Variants in MYO19 observed in about 807,000 individuals in gnomAD.
The protein encoded by MYO19 is unconventional myosin-XIX.
In MYO19, 132 loss-of-function variants were observed where a neutral mutation model predicts 129.2. The observed-to-expected ratio is 1.02, with a 90% CI of 0.89 to 1.18. The LOEUF is 1.18. MYO19 is among the 50% of genes most tolerant of loss of function. The pLI, the probability that MYO19 is intolerant of heterozygous loss-of-function variation, is 0.00. For synonymous variants in MYO19, 531 were observed against 477.2 expected (o/e 1.11, Z -1.47); for missense variants, 1,210 against 1,216.7 (o/e 0.99, Z 0.08).
chr17:36,537,170 C>T (rs760295760), upstream of MYO19: 34 of 1,613,914 alleles, frequency 2.1e-5, no homozygotes, highest in African/African-American at 4.0e-5. Flanking sequence ...TGGAAATCAC[C>T]CAGGGATTGT....
chr17:36,496,935 C>T (rs928087048), intron 25 of MYO19, among the ~76,000 whole-genome samples: 3 of 152,146 alleles, frequency 2.0e-5, no homozygotes, highest in Admixed American at 6.5e-5. Flanking sequence ...CACCTTTCCT[C>T]GGCCACTTTA....
At position 36,507,430 on chromosome 17, in the gene MYO19, C is replaced by A. The variant is rs374264952; in HGVS notation, c.1436G>T (p.Ser479Ile). 8 of 1,613,542 alleles carry A rather than the reference C, an allele frequency of 5.0e-6. No homozygotes were observed. The Admixed American group carries it at 1.2e-4, about 24-fold the overall frequency. ...NQPCLDLIEGSPISICSLINE... is the reference protein window; with the variant it reads ...NQPCLDLIEGIPISICSLINE... ...TATGAGGGAGCAGATGCTGATGGGG[C>A]TTCCCTCAATGAGATCCAAACAGGG... Residue 479 changes from serine (S) to isoleucine (I), a missense_variant, in exon 16 of 26, where the codon AGC (serine) becomes ATC (isoleucine). Transcript: ENST00000614623.
intron 7 of MYO19, 25 bp downstream of exon 7, chr17:36,515,833 A>G: frequency 6.3e-7 from 1 of 1,594,524 alleles, no homozygotes; most frequent in Non-Finnish European, 8.6e-7. Context: ...GGACTGAGAT[A>G]CTGTGCAAAG....
Position 36,506,313 on chromosome 17 carries a change from T to C in MYO19, c.1797+143A>G, listed in dbSNP as rs553772920. 1.7e-3 allele frequency: 1,639 copies of C among 982,460 alleles called. 5 individuals carry two copies. Among genetic ancestry groups the C allele is most frequent in the Non-Finnish European group, 2.0e-3 (1,256 of 629,956 alleles). The allele number at this position is 982,460 out of a possible 1,614,324, so 60.9% of individuals were successfully genotyped here. A position where few individuals can be genotyped will look rare whatever the true frequency, so the allele number is the denominator to read the frequency against. Reference sequence around the variant, plus strand: ...TGTTTCTGTCTTCCACACTGAAGTATAAACTCCAGGGGACTGGGACCACAT... The same window carrying C: ...TGTTTCTGTCTTCCACACTGAAGTACAAACTCCAGGGGACTGGGACCACAT... On this transcript the variant is annotated intron_variant, in intron 18 of 25. Transcript: ENST00000614623.
At chr17:36,534,974 G>A (rs1452477461), upstream of MYO19, 2 of 152,394 alleles carry the variant, frequency 1.3e-5, no homozygotes, top group East Asian at 3.8e-4. Context: ...TCCTCCCTAG[G>A]GGCGGGGCGA....
At chr17:36,538,131 T>G (rs371945461), upstream of MYO19, 66 of 1,614,062 alleles carry the variant, frequency 4.1e-5, no homozygotes, top group Non-Finnish European at 5.5e-5. Context: ...CTGTTTTCTT[T>G]TACTGGCAGC....
intron 6 of MYO19, among the ~76,000 whole-genome samples, chr17:36,524,290 T>C (rs558082947): frequency 1.1e-4 from 16 of 152,218 alleles, no homozygotes; most frequent in Non-Finnish European, 2.2e-4. Flanking sequence ...GAAAGCTACA[T>C]GTTGCATTTT....
chr17:36,504,072 C>A, intron 19 of MYO19, 52 bp from the exon 20 acceptor site: 1 of 1,397,010 alleles, frequency 7.2e-7, no homozygotes, highest in Non-Finnish European at 9.6e-7. Flanking sequence ...GCCAGCAGGC[C>A]AGAAATGCCA....
At position 36,498,275 on chromosome 17, in the gene MYO19, C is replaced by T. The variant is rs759508601; in HGVS notation, c.2748G>A (p.Ala916=). The change falls in exon 25 of 26, where the codon GCG becomes GCA. Residue 916 remains alanine (A), a synonymous_variant. Coordinates refer to ENST00000614623, the MANE Select transcript of MYO19 (RefSeq NM_001163735.2). Reference sequence around the variant, plus strand: ...ATCACACACAACGTACCTGAGGCAGCGCTCGGATGGACGTGACACCAGCCT... The same window carrying T: ...ATCACACACAACGTACCTGAGGCAGTGCTCGGATGGACGTGACACCAGCCT... ...QDQAGVTSIR[A]LPQGSIKFHC... 13 of 1,611,076 alleles carry T rather than the reference C, an allele frequency of 8.1e-6. No individual in the cohort carries two copies. Among genetic ancestry groups the T allele is most frequent in the East Asian group, 4.5e-5 (2 of 44,802 alleles).
intron 25 of MYO19, among the ~76,000 whole-genome samples, chr17:36,497,331 A>C (rs915452836): frequency 2.6e-5 from 4 of 151,756 alleles, no homozygotes; most frequent in South Asian, 2.1e-4. Flanking sequence ...AAAAAAAAAA[A>C]AAACCCACAG....
upstream of MYO19, chr17:36,538,441 AAC>A: frequency 6.2e-7 from 1 of 1,614,184 alleles, no homozygotes; most frequent in Non-Finnish European, 8.5e-7. Flanking sequence ...CTAAACAGAA[AAC>A]AGTTAATATT....
upstream of MYO19, chr17:36,538,151 C>G (rs1214328646): frequency 6.2e-7 from 1 of 1,613,698 alleles, no homozygotes; most frequent in East Asian, 2.2e-5. Flanking sequence ...CTATTAGCCT[C>G]TTCATATCTC....
intron 3 of MYO19, among the ~76,000 whole-genome samples, chr17:36,530,339 G>T (rs1008359513): frequency 6.6e-6 from 1 of 151,948 alleles, no homozygotes; most frequent in African/African-American, 2.4e-5. Flanking sequence ...CTGTAAAATG[G>T]GATAATGGTA....
At chr17:36,498,958 TA>T in intron 24 of MYO19, 116 bp downstream of exon 24, 1 of 782,118 alleles carries the variant, frequency 1.3e-6, no homozygotes. Context: ...TCAGAGAGGC[TA>T]AACAACCTGC....
In MYO19 at chr17:36,513,699, C is replaced by T. The variant is rs1267923663; in HGVS notation, c.747G>A (p.Glu249=). The T allele has an allele frequency of 1.9e-6, 3 of 1,613,770 alleles. No homozygotes were observed. In the South Asian group the frequency reaches 3.3e-5, roughly 18 times the overall value. Residue 249 remains glutamate (E), a synonymous_variant, in exon 10 of 26, where the codon GAG becomes GAA. Coordinates refer to ENST00000614623, the MANE Select transcript of MYO19 (RefSeq NM_001163735.2). ...CCTCAGGAAGGTGCCACTGGAGCCT[C>T]TCGTCCTCACTGGCTCCTTTGCAAA... ...YQICKGASED[E]RLQWHLPEGA...
intron 6 of MYO19, among the ~76,000 whole-genome samples, chr17:36,516,511 C>G (rs936905744): frequency 6.6e-6 from 1 of 152,152 alleles, no homozygotes; most frequent in African/African-American, 2.4e-5. Flanking sequence ...GCTAGGATTA[C>G]AGGCGCACGC....
chr17:36,517,083 C>T (rs915600077), intron 6 of MYO19, among the ~76,000 whole-genome samples: 17 of 151,938 alleles, frequency 1.1e-4, no homozygotes, highest in Admixed American at 3.3e-4. Flanking sequence ...CAGCAGTTTG[C>T]GTTTCTCAAA....
chr17:36,496,395 CTT>C lies in MYO19; in HGVS notation c.2767_2768del (p.Lys923ValfsTer12), dbSNP rs753665430. ...GCAGTGGAGACTTTCTGCAGTGAAA[CTT>C]TATCGATCCCTAGAGGGGAGAGAGA... is the stretch of plus-strand genomic sequence containing the variant. ...SIRALPQGSI[K>X]FHCRKSPLRY... On this transcript the variant is annotated frameshift_variant, in exon 26 of 26. Transcript: ENST00000614623. LOFTEE classifies it high-confidence loss of function. 6.8e-6 allele frequency: 11 copies of C among 1,613,980 alleles called. No individual in the cohort carries two copies. The highest frequency in any genetic ancestry group is 6.6e-5 in the South Asian group (6 of 91,082).
upstream of MYO19, among the ~76,000 whole-genome samples, chr17:36,544,348 G>A (rs1354819907): frequency 2.0e-5 from 3 of 152,208 alleles, no homozygotes; most frequent in Non-Finnish European, 4.4e-5. Context: ...GAGCCGCGGT[G>A]TCAGGGCCCT....
Sources: allele counts gnomAD v4.1 joint callset (sites outside exome capture counted in the v4.1 genomes callset), GRCh38; gene constraint gnomAD v4.1.1; transcripts MANE v1.5; gene names NCBI Gene and HGNC (gene_info 2026-07-23, HGNC 2026-07-21).